The following AVEN variants were observed in gnomAD, a reference collection of about 807,000 sequenced individuals.
AVEN encodes the protein apoptosis and caspase activation inhibitor, also known as cell death regulator Aven.
AVEN carries 41 observed loss-of-function variants against 38.1 expected under a neutral mutation model. The observed-to-expected ratio is 1.08, with a 90% CI of 0.84 to 1.40. AVEN has a LOEUF of 1.40. Ranked by LOEUF, AVEN falls within the 40% of genes most tolerant of loss-of-function variation. The pLI, the probability that AVEN is intolerant of heterozygous loss-of-function variation, is 0.00. For synonymous variants in AVEN, 206 were observed against 171.8 expected (o/e 1.20, Z -1.56); for missense variants, 605 against 438.8 (o/e 1.38, Z -3.38).
chr15:33,871,497 G>T lies in AVEN; in HGVS notation c.517-467C>A, dbSNP rs530428897. On this transcript the variant is annotated intron_variant, in intron 3 of 5. Transcript: ENST00000306730. ...GCAGGAGAATCGCTTGAACCTGGGA[G>T]GCAGAGGCCGCAGGGAGCCGAGATC... Among the ~76,000 whole-genome samples the T allele has an allele frequency of 4.6e-5, 7 of 152,182 alleles. No individual in the cohort carries two copies. The East Asian group carries it at 1.4e-3, about 29-fold the overall frequency.
chr15:33,927,178 C>G (rs1893644170), intron 2 of AVEN, among the ~76,000 whole-genome samples: 1 of 151,736 alleles, frequency 6.6e-6, no homozygotes, highest in South Asian at 2.1e-4. Context: ...TGGCTTGAAC[C>G]CGAGAGGTGG....
chr15:33,867,646 T>G lies in AVEN; in HGVS notation c.822A>C (p.Pro274=), dbSNP rs1342604674. The G allele has an allele frequency of 1.2e-6, 2 of 1,614,170 alleles. No homozygotes were observed. The highest frequency in any genetic ancestry group is 4.5e-5 in the East Asian group (2 of 44,878). Residue 274 remains proline, a synonymous_variant, in exon 5 of 6, where the codon CCA becomes CCC. Transcript: ENST00000306730. The part of the protein sequence containing the change: ...PSRDSQKPTS[P]LQSAGDHLEE... ...CCAAATGGTCTCCTGCTGACTGCAG[T>G]GGGGAAGTGGGTTTCTGAGAATCCC...
At chr15:33,859,956 C>T (rs2080153523) in intron 11 of AVEN, among the ~76,000 whole-genome samples, 1 of 152,150 alleles carries the variant, frequency 6.6e-6, no homozygotes, top group African/African-American at 2.4e-5. Context: ...CAGAGGAACC[C>T]CTTCCTTCTG....
intron 5 of AVEN, among the ~76,000 whole-genome samples, chr15:34,055,234 C>T (rs1036928019): frequency 2.0e-5 from 3 of 150,580 alleles, no homozygotes; most frequent in Admixed American, 6.6e-5. Context: ...CCCGGTAGCT[C>T]GCACCTGTAA....
At chr15:34,044,408 G>A (rs527430694) in intron 5 of AVEN, among the ~76,000 whole-genome samples, 11 of 152,238 alleles carry the variant, frequency 7.2e-5, no homozygotes, top group African/African-American at 2.2e-4. Context: ...TTTTATTGTT[G>A]TTGTTTCCAG....
chr15:33,911,141 ACTCC>A, intron 2 of AVEN, among the ~76,000 whole-genome samples: 1 of 152,032 alleles, frequency 6.6e-6, no homozygotes, highest in Non-Finnish European at 1.5e-5. Context: ...CTCAAGACCA[ACTCC>A]AGCACCACCA....
At chr15:33,944,750 A>C (rs1894446567) in intron 2 of AVEN, among the ~76,000 whole-genome samples, 1 of 151,944 alleles carries the variant, frequency 6.6e-6, no homozygotes, top group African/African-American at 2.4e-5. Context: ...CGGAACTTGC[A>C]GTGAGCCGAG....
chr15:34,043,486 T>C (rs189193002), upstream of AVEN, among the ~76,000 whole-genome samples: 1 of 152,244 alleles, frequency 6.6e-6, no homozygotes, highest in East Asian at 1.9e-4. Context: ...CAGAAAGATG[T>C]CTTTATTTAC....
intron 2 of AVEN, among the ~76,000 whole-genome samples, chr15:33,997,036 A>G (rs1218679029): frequency 1.3e-5 from 2 of 152,230 alleles, no homozygotes; most frequent in African/African-American, 2.4e-5. Flanking sequence ...GCTGAAAACC[A>G]TGGCACAAGA....
downstream of AVEN, chr15:33,855,961 CCTTTGTACGGGA>C (rs989064895): frequency 1.3e-5 from 2 of 152,132 alleles, no homozygotes; most frequent in African/African-American, 4.8e-5. Flanking sequence ...CATGTCCAAA[CCTTTGTACGGGA>C]GAGGGAGAAA....
chr15:33,866,110 G>T (rs1420491252), downstream of AVEN: 1 of 162,240 alleles, frequency 6.2e-6, no homozygotes, highest in Admixed American at 5.7e-5. Context: ...ATACCTCCAG[G>T]GTCTGGACTC....
chr15:33,908,794 C>T lies in AVEN; in HGVS notation c.446-32799G>A, dbSNP rs542262106. ...TGTATAAATCAATATTTTAAAAAGA[C>T]AAATAATTCAGTTAATGGAGAAACT... On this transcript the variant is annotated intron_variant, in intron 2 of 5. Coordinates refer to ENST00000306730, the MANE Select transcript of AVEN (RefSeq NM_020371.3). Among the ~76,000 whole-genome samples the T allele has an allele frequency of 6.6e-5, 10 of 152,146 alleles. No individual in the cohort carries two copies. In the South Asian group the frequency reaches 1.9e-3, roughly 28 times the overall value.
intron 2 of AVEN, among the ~76,000 whole-genome samples, chr15:33,952,999 G>A (rs116660119): frequency 7.8e-4 from 118 of 152,022 alleles, no homozygotes; most frequent in African/African-American, 2.7e-3. Flanking sequence ...ACCAATAACA[G>A]ACAAGAGAGC....
chr15:33,897,012 A>G (rs1892259232), intron 2 of AVEN, among the ~76,000 whole-genome samples: 1 of 152,218 alleles, frequency 6.6e-6, no homozygotes, highest in Non-Finnish European at 1.5e-5. Context: ...CAGTAAGTGC[A>G]ACAACATAGA....
downstream of AVEN, chr15:33,857,826 C>T: frequency 6.2e-7 from 1 of 1,614,170 alleles, no homozygotes; most frequent in East Asian, 2.2e-5. Flanking sequence ...TATCTCTATA[C>T]TGTGGTGGCT....
At chr15:33,967,648 TAAAG>T (rs1464347719) in intron 2 of AVEN, among the ~76,000 whole-genome samples, 1 of 151,920 alleles carries the variant, frequency 6.6e-6, no homozygotes, top group Non-Finnish European at 1.5e-5. Flanking sequence ...GATACACTCA[TAAAG>T]AACTCAGGCA....
intron 2 of AVEN, among the ~76,000 whole-genome samples, chr15:33,936,655 T>C (rs1036767827): frequency 5.3e-5 from 8 of 152,236 alleles, no homozygotes; most frequent in African/African-American, 1.9e-4. Context: ...TGTGCATGAG[T>C]GATTTAATCA....
At chr15:34,036,753 T>C (rs749432333) in intron 1 of AVEN, among the ~76,000 whole-genome samples, 4 of 152,152 alleles carry the variant, frequency 2.6e-5, no homozygotes, top group Non-Finnish European at 4.4e-5. Flanking sequence ...TTTAACAGAA[T>C]GTGTTACAAT....
At chr15:33,942,947 C>T (rs1483821201) in intron 2 of AVEN, among the ~76,000 whole-genome samples, 1 of 152,184 alleles carries the variant, frequency 6.6e-6, no homozygotes, top group Admixed American at 6.5e-5. Context: ...CACCGTAACA[C>T]ATTTTTTAAC....
Sources: allele counts gnomAD v4.1 joint callset (sites outside exome capture counted in the v4.1 genomes callset), GRCh38; gene constraint gnomAD v4.1.1; transcripts MANE v1.5; gene names NCBI Gene and HGNC (gene_info 2026-07-23, HGNC 2026-07-21).